The following VMP1 variants were observed in gnomAD, a reference collection of about 807,000 sequenced individuals.
VMP1 encodes the protein ectopic P-granules autophagy protein 3 homolog.
Under a neutral mutation model 56.0 loss-of-function variants are expected in VMP1, and 11 were observed. That is an observed-to-expected ratio of 0.20 (90% CI 0.12 to 0.32). VMP1 has a LOEUF of 0.32. Ranked by LOEUF, VMP1 falls within the 10% of genes least tolerant of loss-of-function variation. The probability of loss-of-function intolerance (pLI) is 1.00; values close to 1 mark genes in which losing one functional copy is unlikely to be tolerated. For missense variants in VMP1, 296 were observed against 490.3 expected (o/e 0.60, Z 3.74); for synonymous variants, 149 against 165.0 (o/e 0.90, Z 0.74).
At chr17:59,832,340 T>G (rs1233337504) in intron 10 of VMP1, among the ~76,000 whole-genome samples, 1 of 151,540 alleles carries the variant, frequency 6.6e-6, no homozygotes, top group Non-Finnish European at 1.5e-5. Flanking sequence ...TTTTTTTATA[T>G]TTTTAGTAGA....
chr17:59,733,160 T>C (rs2034897222), intron 2 of VMP1, among the ~76,000 whole-genome samples: 1 of 152,110 alleles, frequency 6.6e-6, no homozygotes, highest in South Asian at 2.1e-4. Flanking sequence ...CACTCCAGCC[T>C]GGGTGACAGA....
At chr17:59,810,959 G>A (rs558738219) in intron 8 of VMP1, among the ~76,000 whole-genome samples, 28 of 152,130 alleles carry the variant, frequency 1.8e-4, no homozygotes, top group Non-Finnish European at 3.2e-4. Flanking sequence ...GGAATGTTTG[G>A]GAAAGGTATT....
intron 10 of VMP1, among the ~76,000 whole-genome samples, chr17:59,818,645 C>T (rs1242563166): frequency 2.0e-5 from 3 of 151,784 alleles, no homozygotes. Context: ...TGGCACATGC[C>T]TGTAATCCCA....
chr17:59,738,416 G>A (rs1333642993), intron 4 of VMP1, among the ~76,000 whole-genome samples: 1 of 152,174 alleles, frequency 6.6e-6, no homozygotes, highest in South Asian at 2.1e-4. Context: ...TTTTAAAACA[G>A]TTTACTGCCA....
chr17:59,779,181 A>T (rs2036733556), intron 7 of VMP1, among the ~76,000 whole-genome samples: 1 of 152,246 alleles, frequency 6.6e-6, no homozygotes, highest in African/African-American at 2.4e-5. Flanking sequence ...TGCTGCTGAC[A>T]CACTAAAGCT....
intron 7 of VMP1, among the ~76,000 whole-genome samples, chr17:59,783,183 G>A (rs775024395): frequency 3.9e-5 from 6 of 152,210 alleles, no homozygotes; most frequent in South Asian, 2.1e-4. Context: ...GCGACAGAGC[G>A]AGACTCTGTC....
rs561221414 is a variant in VMP1, at chr17:59,833,003, A to C, written c.975-5292A>C. 3.9e-5 allele frequency among the ~76,000 whole-genome samples: 6 copies of C among 152,242 alleles called. No homozygotes were observed. In the South Asian group the frequency reaches 1.2e-3, roughly 32 times the overall value. On this transcript the variant is annotated intron_variant, in intron 10 of 11. Coordinates refer to ENST00000262291, the MANE Select transcript of VMP1 (RefSeq NM_030938.5). ...TGGGATGAGATTAGCATCTTTAGCA[A>C]GGTGCACAGGGTTGCAAGAATGTAA...
At chr17:59,708,425 C>T (rs1402599616) in intron 1 of VMP1, among the ~76,000 whole-genome samples, 3 of 152,162 alleles carry the variant, frequency 2.0e-5, no homozygotes, top group African/African-American at 7.2e-5. Flanking sequence ...ATTCCAGAAA[C>T]CATATGTGGC....
intron 1 of VMP1, among the ~76,000 whole-genome samples, chr17:59,711,081 A>AG (rs1378298420): frequency 1.3e-5 from 2 of 151,928 alleles, no homozygotes; most frequent in African/African-American, 2.4e-5. Flanking sequence ...TCAAAAAAAA[A>AG]AGAGAAGAAA....
chr17:59,825,093 T>TGA (rs2038600955), intron 10 of VMP1, among the ~76,000 whole-genome samples: 1 of 146,598 alleles, frequency 6.8e-6, no homozygotes, highest in Admixed American at 6.8e-5. Context: ...TTTTTTTTTT[T>TGA]TTTTTTTTTT....
intron 7 of VMP1, among the ~76,000 whole-genome samples, chr17:59,794,364 C>T (rs767199786): frequency 3.3e-5 from 5 of 150,110 alleles, no homozygotes; most frequent in Middle Eastern, 3.4e-3. Flanking sequence ...GGATTACAAG[C>T]GCACGCCACC....
At chr17:59,745,871 T>A (rs2035406053) in intron 5 of VMP1, among the ~76,000 whole-genome samples, 1 of 152,262 alleles carries the variant, frequency 6.6e-6, no homozygotes, top group African/African-American at 2.4e-5. Context: ...GAAAAAAATG[T>A]AATTCATTAT....
At chr17:59,798,657 C>A (rs1011995824) in intron 7 of VMP1, among the ~76,000 whole-genome samples, 6 of 152,220 alleles carry the variant, frequency 3.9e-5, no homozygotes, top group Non-Finnish European at 2.9e-5. Flanking sequence ...GAGGCCAAGG[C>A]AGGCGGATCA....
chr17:59,769,496 CT>C (rs545146566), intron 6 of VMP1, among the ~76,000 whole-genome samples: 137 of 152,216 alleles, frequency 9.0e-4, no homozygotes, highest in African/African-American at 2.9e-3. Flanking sequence ...CCTGACAAAA[CT>C]TTTTAAAAGT....
At chr17:59,748,610 C>A (rs935410324) in intron 5 of VMP1, among the ~76,000 whole-genome samples, 1 of 152,088 alleles carries the variant, frequency 6.6e-6, no homozygotes, top group Admixed American at 6.6e-5. Flanking sequence ...AGCTCAGTAC[C>A]TAGTAAATGC....
At chr17:59,753,274 G>GA (rs770381220) in intron 5 of VMP1, among the ~76,000 whole-genome samples, 90 of 141,676 alleles carry the variant, frequency 6.4e-4, no homozygotes, top group Middle Eastern at 3.6e-3. Flanking sequence ...CCTGTCTCAA[G>GA]AAAAAAAAAA....
chr17:59,724,334 TA>T (rs949150291), intron 1 of VMP1, among the ~76,000 whole-genome samples: 2 of 151,082 alleles, frequency 1.3e-5, no homozygotes, highest in Non-Finnish European at 3.0e-5. Flanking sequence ...GTTGTCAAAG[TA>T]AAAAAAAAGT....
chr17:59,822,846 C>T (rs758288534), intron 10 of VMP1, among the ~76,000 whole-genome samples: 12 of 152,104 alleles, frequency 7.9e-5, no homozygotes, highest in Admixed American at 5.2e-4. Flanking sequence ...TAGAAACATT[C>T]TCCTTTAGAT....
At chr17:59,837,151 C>CGG (rs892969677) in intron 10 of VMP1, among the ~76,000 whole-genome samples, 10 of 151,134 alleles carry the variant, frequency 6.6e-5, no homozygotes, top group African/African-American at 2.4e-4. Flanking sequence ...TGCAGTGAGC[C>CGG]GAGATCAGGC....
Sources: allele counts gnomAD v4.1 joint callset (sites outside exome capture counted in the v4.1 genomes callset), GRCh38; gene constraint gnomAD v4.1.1; transcripts MANE v1.5; gene names NCBI Gene and HGNC (gene_info 2026-07-23, HGNC 2026-07-21).